MTUS2: variants seen among roughly 807,000 people sequenced by gnomAD.
MTUS2 encodes microtubule associated scaffold protein 2.
In MTUS2, 40 loss-of-function variants were observed where a neutral mutation model predicts 114.1. That is an observed-to-expected ratio of 0.35 (90% CI 0.27 to 0.46). MTUS2 has a LOEUF of 0.46. Among genes scored for constraint, MTUS2 ranks in the 20% least tolerant of loss-of-function variants. MTUS2 has a pLI of 1.00. For missense variants in MTUS2, 1,679 were observed against 1,705.4 expected (o/e 0.98, Z 0.27); for synonymous variants, 688 against 672.0 (o/e 1.02, Z -0.37).
chr13:29,238,782 T>C (rs1417564617), intron 5 of MTUS2, among the ~76,000 whole-genome samples: 2 of 152,180 alleles, frequency 1.3e-5, no homozygotes, highest in Admixed American at 6.5e-5. Flanking sequence ...TCCAATCAAG[T>C]TGACACTCAG....
At chr13:29,244,699 G>A (rs894134953) in intron 5 of MTUS2, among the ~76,000 whole-genome samples, 1 of 152,070 alleles carries the variant, frequency 6.6e-6, no homozygotes, top group African/African-American at 2.4e-5. Flanking sequence ...GCTCACGCCT[G>A]TAATCCCAGC....
intron 8 of MTUS2, among the ~76,000 whole-genome samples, chr13:29,429,250 G>T (rs115282390): frequency 5.3e-4 from 81 of 152,340 alleles, no homozygotes; most frequent in African/African-American, 1.9e-3. Context: ...AACCTAAGAC[G>T]TTCCACTGGG....
intron 2 of MTUS2, among the ~76,000 whole-genome samples, chr13:28,878,206 A>AAGAT (rs1555269788): frequency 2.9e-4 from 43 of 149,704 alleles, no homozygotes; most frequent in Non-Finnish European, 4.8e-4. Context: ...CTTAAAAAAG[A>AAGAT]ATATATATAT....
chr13:29,116,738 A>G (rs551562028), intron 5 of MTUS2, among the ~76,000 whole-genome samples: 2 of 152,290 alleles, frequency 1.3e-5, no homozygotes, highest in South Asian at 4.1e-4. Context: ...GATGGCTATT[A>G]AGTGACTCAG....
intron 9 of MTUS2, among the ~76,000 whole-genome samples, chr13:29,448,193 A>G (rs1878424445): frequency 1.3e-5 from 2 of 152,168 alleles, no homozygotes; most frequent in Admixed American, 1.3e-4. Context: ...ACCAGACAGA[A>G]AACATGCAAT....
chr13:29,014,932 T>C (rs769451190), intron 2 of MTUS2, among the ~76,000 whole-genome samples: 3 of 152,258 alleles, frequency 2.0e-5, no homozygotes, highest in Non-Finnish European at 4.4e-5. Flanking sequence ...GCATTCTGCA[T>C]GGACTCTTCT....
chr13:28,960,287 TA>T (rs1164936952), intron 2 of MTUS2, among the ~76,000 whole-genome samples: 2 of 152,226 alleles, frequency 1.3e-5, no homozygotes, highest in African/African-American at 4.8e-5. Context: ...TGTGGGATTA[TA>T]AAATGGTACA....
chr13:29,006,687 T>C (rs1458709561), intron 2 of MTUS2, among the ~76,000 whole-genome samples: 1 of 152,206 alleles, frequency 6.6e-6, no homozygotes, highest in East Asian at 1.9e-4. Flanking sequence ...TTCATTTGTT[T>C]GTTTGTTTTT....
chr13:28,850,189 A>G (rs1876172350), intron 2 of MTUS2, among the ~76,000 whole-genome samples: 1 of 152,244 alleles, frequency 6.6e-6, no homozygotes, highest in African/African-American at 2.4e-5. Context: ...TGGACAAAGA[A>G]AGAGACCTGA....
At chr13:29,092,638 G>C (rs2138784039) in intron 4 of MTUS2, among the ~76,000 whole-genome samples, 1 of 152,264 alleles carries the variant, frequency 6.6e-6, no homozygotes, top group South Asian at 2.1e-4. Flanking sequence ...ATGGGATCCA[G>C]GCTGGTGCAC....
intron 2 of MTUS2, among the ~76,000 whole-genome samples, chr13:29,018,535 G>A (rs997802733): frequency 6.6e-6 from 1 of 152,192 alleles, no homozygotes; most frequent in Non-Finnish European, 1.5e-5. Context: ...AGCACTTTGG[G>A]AGGCCAAGGT....
intron 8 of MTUS2, among the ~76,000 whole-genome samples, chr13:29,365,352 A>G (rs190519245): frequency 1.3e-5 from 2 of 152,328 alleles, no homozygotes; most frequent in Admixed American, 6.5e-5. Context: ...GATCCTTGAT[A>G]CTGAAGCCTG....
chr13:29,466,674 C>T (rs1404054310), intron 9 of MTUS2, among the ~76,000 whole-genome samples: 1 of 151,762 alleles, frequency 6.6e-6, no homozygotes, highest in Non-Finnish European at 1.5e-5. Flanking sequence ...CTCAGGAGTT[C>T]GAGACCAGCA....
intron 9 of MTUS2, among the ~76,000 whole-genome samples, chr13:29,475,600 G>T (rs1880641242): frequency 6.6e-6 from 1 of 151,928 alleles, no homozygotes. Flanking sequence ...GCCTGTGTAG[G>T]CTTACGCTAA....
chr13:28,948,523 C>T (rs146169387), intron 2 of MTUS2, among the ~76,000 whole-genome samples: 3 of 152,224 alleles, frequency 2.0e-5, no homozygotes, highest in East Asian at 1.9e-4. Context: ...AAGTTCTGTG[C>T]GTGAGGTTCC....
At chr13:29,441,937 C>T (rs1403566316) in intron 9 of MTUS2, among the ~76,000 whole-genome samples, 2 of 152,178 alleles carry the variant, frequency 1.3e-5, no homozygotes, top group East Asian at 1.9e-4. Flanking sequence ...ACTGCAAAGA[C>T]CCCCTTCTCC....
At position 28,993,252 on chromosome 13, in the gene MTUS2, A is replaced by G. The variant is rs1264405883; in HGVS notation, c.-242-31205A>G. Reference sequence around the variant, plus strand: ...ATTTCAATTCTTTTTGTGTATACCTAGAAGTGGGATTGCTGGATCATGTGG... The same window carrying G: ...ATTTCAATTCTTTTTGTGTATACCTGGAAGTGGGATTGCTGGATCATGTGG... On this transcript the variant is annotated intron_variant, in intron 2 of 15. Coordinates refer to ENST00000612955, the MANE Select transcript of MTUS2 (RefSeq NM_001033602.4). Among the ~76,000 whole-genome samples the G allele has an allele frequency of 3.9e-5, 6 of 152,320 alleles. No homozygotes were observed. In the East Asian group the frequency reaches 1.2e-3, roughly 29 times the overall value.
Position 29,382,147 on chromosome 13 carries a change from G to A in MTUS2, c.3117+22674G>A, listed in dbSNP as rs9551663. On this transcript the variant is annotated intron_variant, in intron 8 of 15. Coordinates refer to ENST00000612955, the MANE Select transcript of MTUS2 (RefSeq NM_001033602.4). Reference sequence around the variant, plus strand: ...GTCCAAGAGGTCAGGAAACAATATTGCCTGCAGGTTGGGTGAAGGGAATGG... The same window carrying A: ...GTCCAAGAGGTCAGGAAACAATATTACCTGCAGGTTGGGTGAAGGGAATGG... 1.4e-4 allele frequency among the ~76,000 whole-genome samples: 21 copies of A among 152,296 alleles called. No individual in the cohort carries two copies. The East Asian group carries it at 3.9e-3, about 28-fold the overall frequency.
At chr13:28,887,634 G>A (rs1878669227) in intron 2 of MTUS2, among the ~76,000 whole-genome samples, 3 of 152,204 alleles carry the variant, frequency 2.0e-5, no homozygotes, top group Admixed American at 2.0e-4. Context: ...AGGGAGGGAG[G>A]AAGAGCATTC....
Sources: gnomAD v4.1 joint callset for allele counts (sites outside exome capture counted in the v4.1 genomes callset) on GRCh38, gnomAD v4.1.1 for gene constraint, MANE v1.5 for transcripts, NCBI Gene and HGNC (gene_info 2026-07-23, HGNC 2026-07-21) for gene names.